Variants in MPDZ observed in about 807,000 individuals in gnomAD.
MPDZ encodes multiple PDZ domain protein.
In MPDZ, 234 loss-of-function variants were observed where a neutral mutation model predicts 239.1. The ratio of observed to expected loss-of-function variants is 0.98; its 90% CI spans 0.88 to 1.09. The LOEUF (loss-of-function observed/expected upper bound fraction) is 1.09, where lower values mean the gene tolerates loss of function less well. Ranked by LOEUF, MPDZ falls within the 50% of genes least tolerant of loss-of-function variation. The probability of loss-of-function intolerance (pLI) is 0.00; values close to 1 mark genes in which losing one functional copy is unlikely to be tolerated. For missense variants in MPDZ, 3,175 were observed against 2,510.0 expected, an observed-to-expected ratio of 1.26 and a Z score of -5.66; for synonymous variants, 1,048 against 881.3, an observed-to-expected ratio of 1.19 and a Z score of -3.35.
intron 17 of MPDZ, among the ~76,000 whole-genome samples, chr9:13,188,243 C>T (rs896211554): frequency 1.3e-5 from 2 of 151,974 alleles, no homozygotes; most frequent in South Asian, 2.1e-4. Flanking sequence ...TAAGGCTGGG[C>T]GTGGTGGCTC....
At chr9:13,152,993 T>C (rs1394411292) in intron 24 of MPDZ, among the ~76,000 whole-genome samples, 1 of 152,152 alleles carries the variant, frequency 6.6e-6, no homozygotes, top group African/African-American at 2.4e-5. Context: ...AAGGAGATGA[T>C]GAGACCCTGC....
intron 23 of MPDZ, among the ~76,000 whole-genome samples, 193 bp from the exon 24 acceptor site, chr9:13,158,303 G>C (rs961142079): frequency 6.6e-6 from 1 of 152,104 alleles, no homozygotes; most frequent in African/African-American, 2.4e-5. Flanking sequence ...CCTTGCTTTA[G>C]AATCAACGTA....
Position 13,136,743 on chromosome 9 carries a change from C to T in MPDZ, c.4261G>A (p.Ala1421Thr). Residue 1421 changes from alanine (A) to threonine (T), a missense_variant, in exon 30 of 47, where the codon GCC becomes ACC. By Grantham distance (58) the Ala-to-Thr change is moderately conservative. Transcript: ENST00000319217. ...AAAATTATTTTCACTTTAGAAGGGGCACATTTAATGATTGATGAGGCATTC... is the reference window on the plus strand; with the variant it reads ...AAAATTATTTTCACTTTAGAAGGGGTACATTTAATGATTGATGAGGCATTC... ...HQNASSIIKCAPSKVKIIFIR... is the reference protein window; with the variant it reads ...HQNASSIIKCTPSKVKIIFIR... 6.2e-7 allele frequency: 1 copy of T among 1,600,568 alleles called. No homozygotes were observed. Among genetic ancestry groups the T allele is most frequent in the Non-Finnish European group, 8.5e-7 (1 of 1,171,958 alleles).
intron 1 of MPDZ, among the ~76,000 whole-genome samples, chr9:13,277,845 G>A (rs1320841766): frequency 1.4e-4 from 22 of 152,162 alleles, no homozygotes; most frequent in Non-Finnish European, 4.4e-5. Context: ...GATTACAAGC[G>A]TGAGCCATTG....
intron 18 of MPDZ, among the ~76,000 whole-genome samples, chr9:13,185,384 A>C (rs964579185): frequency 3.3e-5 from 5 of 152,122 alleles, no homozygotes; most frequent in Admixed American, 6.6e-5. Flanking sequence ...GCGCAGTTAT[A>C]AACACATAAT....
rs564741127 is a variant in MPDZ, at chr9:13,224,494, T to C, written c.273A>G (p.Glu91=). 2 of 1,612,880 alleles carry C rather than the reference T, an allele frequency of 1.2e-6. No individual in the cohort carries two copies. The highest frequency in any genetic ancestry group is 1.1e-5 in the South Asian group (1 of 91,064). ...SPAVIPTLQN[E]SFLLSPNNGN... ...CATTGTTTGGGGATAATAAAAACGA[T>C]TCATTTTGCAGAGTAGGAATCACAG... Residue 91 remains glutamate, a synonymous_variant, in exon 4 of 47, where the codon GAA becomes GAG. Coordinates refer to ENST00000319217, the MANE Select transcript of MPDZ (RefSeq NM_001378778.1).
chr9:13,151,998 C>G (rs984807106), intron 24 of MPDZ, among the ~76,000 whole-genome samples: 2 of 152,018 alleles, frequency 1.3e-5, no homozygotes, highest in African/African-American at 4.8e-5. Context: ...GACTCATACT[C>G]CAGGCTGTGG....
Position 13,107,104 on chromosome 9 carries a change from G to GC in MPDZ, c.6073dup (p.Ala2025GlyfsTer3). 6.4e-7 allele frequency: 1 copy of GC among 1,566,322 alleles called. No individual in the cohort carries two copies. Among genetic ancestry groups the GC allele is most frequent in the South Asian group, 1.2e-5 (1 of 86,206 alleles). On this transcript the variant is annotated frameshift_variant, in exon 47 of 47. Transcript: ENST00000319217. LOFTEE classifies it high-confidence loss of function. ...CCTTTTCAGACGTCCGTCTTCAGAGGCTGCTCCCTGCAAATTATAAAGTAG... is the reference window on the plus strand; with the variant it reads ...CCTTTTCAGACGTCCGTCTTCAGAGGCCTGCTCCCTGCAAATTATAAAGTAG...
intron 15 of MPDZ, 117 bp downstream of exon 15, chr9:13,192,014 A>C: frequency 1.1e-6 from 1 of 906,424 alleles, no homozygotes; most frequent in African/African-American, 1.7e-5. Flanking sequence ...TCTATCCTCC[A>C]AGCCATGGGC....
At chr9:13,133,679 T>A (rs1288869028) in intron 32 of MPDZ, 145 bp downstream of exon 32, 6 of 511,168 alleles carry the variant, frequency 1.2e-5, no homozygotes, top group Non-Finnish European at 2.1e-5. Flanking sequence ...TAAGTTTGAG[T>A]GGGCCCAAGT....
intron 4 of MPDZ, 91 bp from the exon 5 acceptor site, chr9:13,223,801 G>A: frequency 2.2e-6 from 3 of 1,371,344 alleles, no homozygotes; most frequent in East Asian, 5.1e-5. Context: ...GGAGGCCAAG[G>A]TGGGAGGATC....
At chr9:13,277,519 G>T (rs1157237930) in intron 1 of MPDZ, among the ~76,000 whole-genome samples, 2 of 152,080 alleles carry the variant, frequency 1.3e-5, no homozygotes, top group East Asian at 1.9e-4. Flanking sequence ...TGTATTAGAA[G>T]ATCAAGTCAA....
At chr9:13,267,685 T>C (rs983722809) in intron 1 of MPDZ, among the ~76,000 whole-genome samples, 1 of 152,086 alleles carries the variant, frequency 6.6e-6, no homozygotes. Flanking sequence ...GTTTGATGTA[T>C]GGCAAGACAC....
intron 21 of MPDZ, among the ~76,000 whole-genome samples, chr9:13,174,736 C>A (rs1952235224): frequency 1.3e-5 from 2 of 152,142 alleles, no homozygotes; most frequent in Non-Finnish European, 2.9e-5. Flanking sequence ...CAAAGTTCTG[C>A]AGTTCAAGCT....
intron 35 of MPDZ, among the ~76,000 whole-genome samples, chr9:13,124,584 A>C (rs1424190024): frequency 6.6e-6 from 1 of 152,198 alleles, no homozygotes; most frequent in Non-Finnish European, 1.5e-5. Context: ...ATGTACCTCC[A>C]TATACTAGAC....
Position 13,143,518 on chromosome 9 carries a change from T to C in MPDZ, c.3788A>G (p.Asn1263Ser), listed in dbSNP as rs184229465. Residue 1263 changes from asparagine (N) to serine (S), a missense_variant, in exon 27 of 47, where the codon AAC (asparagine) becomes AGC (serine). Coordinates refer to ENST00000319217, the MANE Select transcript of MPDZ (RefSeq NM_001378778.1). Reference protein sequence around the residue: ...SLLHNLYPKYNFSSTNPFADS... With the variant: ...SLLHNLYPKYSFSSTNPFADS... ...AGCAAATGGGTTAGTGCTGCTGAAGTTGTACTTAGGGTAAAGGTTGTGCAG... is the reference window on the plus strand; with the variant it reads ...AGCAAATGGGTTAGTGCTGCTGAAGCTGTACTTAGGGTAAAGGTTGTGCAG... 2.6e-4 allele frequency: 427 copies of C among 1,612,958 alleles called. No homozygotes were observed. Among genetic ancestry groups the C allele is most frequent in the Middle Eastern group, 3.3e-4 (2 of 6,080 alleles).
rs1975245222 is a variant in MPDZ, at chr9:13,279,653, C to G, written c.-311G>C. ...CCCCCAGCGCGCGCCGCACTTGCGC[C>G]GACCGGGGCTGCCGCGGAGGCGGTG... On this transcript the variant is annotated 5_prime_UTR_variant, in exon 1 of 47. Coordinates refer to ENST00000319217, the MANE Select transcript of MPDZ (RefSeq NM_001378778.1). 6.7e-6 allele frequency: 1 copy of G among 150,274 alleles called. No individual in the cohort carries two copies. Among genetic ancestry groups the G allele is most frequent in the Non-Finnish European group, 1.5e-5 (1 of 67,568 alleles). The allele number at this position is 150,274 out of a possible 1,614,324, so 9.3% of individuals were successfully genotyped here.
At position 13,109,865 on chromosome 9, in the gene MPDZ, T is replaced by C. The variant is rs1942130249; in HGVS notation, c.5942+87A>G. 4 of 1,030,184 alleles carry C rather than the reference T, an allele frequency of 3.9e-6. No homozygotes were observed. In the African/African-American group the frequency reaches 6.3e-5, roughly 16 times the overall value. The allele number at this position is 1,030,184 out of a possible 1,614,324, so 63.8% of individuals were successfully genotyped here. A position where few individuals can be genotyped will look rare whatever the true frequency, so the allele number is the denominator to read the frequency against. ...TATCATTTTACCTGTACGTAATTCC[T>C]AGAAACATGGGACAGAGAACGCAAC... On this transcript the variant is annotated intron_variant, in intron 45 of 46. Transcript: ENST00000319217.
intron 2 of MPDZ, among the ~76,000 whole-genome samples, chr9:13,249,642 C>T (rs1343405545): frequency 1.3e-5 from 2 of 151,984 alleles, no homozygotes; most frequent in Non-Finnish European, 2.9e-5. Context: ...TTAGTCATAC[C>T]CAAAGAGTTA....
Sources: gnomAD v4.1 joint callset for allele counts (sites outside exome capture counted in the v4.1 genomes callset) on GRCh38, gnomAD v4.1.1 for gene constraint, MANE v1.5 for transcripts, NCBI Gene and HGNC (gene_info 2026-07-23, HGNC 2026-07-21) for gene names.